RIMS2: variants seen among roughly 807,000 people sequenced by gnomAD.
RIMS2 encodes regulating synaptic membrane exocytosis protein 2.
In RIMS2, 59 loss-of-function variants were observed where a neutral mutation model predicts 174.4. That is an observed-to-expected ratio of 0.34 (90% CI 0.27 to 0.42). RIMS2 has a LOEUF of 0.42. Among genes scored for constraint, RIMS2 ranks in the 10% least tolerant of loss-of-function variants. RIMS2 has a pLI of 1.00. For missense variants in RIMS2, 1,620 were observed against 1,666.3 expected (o/e 0.97, Z 0.48); for synonymous variants, 606 against 572.5 (o/e 1.06, Z -0.84).
chr8:103,652,436 T>A (rs1418454631), intron 1 of RIMS2, among the ~76,000 whole-genome samples, 188 bp from the exon 3 acceptor site: 1 of 152,212 alleles, frequency 6.6e-6, no homozygotes, highest in African/African-American at 2.4e-5. Context: ...TTTTGCTGCC[T>A]GCTTGTGGAC....
intron 3 of RIMS2, among the ~76,000 whole-genome samples, chr8:103,798,915 C>CTTTTTTTT (rs376864472): frequency 2.2e-5 from 3 of 134,790 alleles, no homozygotes; most frequent in African/African-American, 8.3e-5. Context: ...AGGTAGAAAA[C>CTTTTTTTT]TTTTTTTTTT....
At chr8:103,587,141 C>T (rs1264234277) in intron 1 of RIMS2, among the ~76,000 whole-genome samples, 4 of 151,874 alleles carry the variant, frequency 2.6e-5, no homozygotes, top group Admixed American at 2.6e-4. Flanking sequence ...ATACAACCTA[C>T]CAAGATTGAA....
chr8:103,860,979 T>G (rs2099055681), intron 3 of RIMS2, among the ~76,000 whole-genome samples: 1 of 152,084 alleles, frequency 6.6e-6, no homozygotes, highest in Admixed American at 6.6e-5. Flanking sequence ...ATATTTTGTT[T>G]TTATTTTTTA....
chr8:104,014,069 T>C lies in RIMS2; in HGVS notation c.3225-437T>C, dbSNP rs2095837614. On this transcript the variant is annotated intron_variant, in intron 18 of 23. Coordinates refer to ENST00000504942, the Ensembl canonical transcript of RIMS2. ...CTTGAATTGTTCAGGATTTTATTTG[T>C]AGTTTCATGCAATGTTTTCTAATAA... 4.6e-5 allele frequency among the ~76,000 whole-genome samples: 7 copies of C among 152,318 alleles called. No individual in the cohort carries two copies. In the South Asian group the frequency reaches 1.4e-3, roughly 32 times the overall value.
intron 19 of RIMS2, among the ~76,000 whole-genome samples, chr8:104,120,329 A>T (rs1280427561): frequency 6.6e-6 from 1 of 152,208 alleles, no homozygotes; most frequent in Non-Finnish European, 1.5e-5. Context: ...ATTATTATTG[A>T]ATTATATTAT....
intron 3 of RIMS2, among the ~76,000 whole-genome samples, chr8:103,785,141 G>A (rs1451804350): frequency 7.0e-6 from 1 of 143,810 alleles, no homozygotes; most frequent in Non-Finnish European, 1.5e-5. Context: ...CTTTGCTGAA[G>A]TTGCTTACCA....
intron 1 of RIMS2, among the ~76,000 whole-genome samples, chr8:103,624,540 T>C (rs2095730933): frequency 6.6e-6 from 1 of 152,176 alleles, no homozygotes; most frequent in African/African-American, 2.4e-5. Context: ...TATGACAAGG[T>C]TTATTATAAG....
At chr8:103,625,878 A>C (rs6986976) in intron 1 of RIMS2, among the ~76,000 whole-genome samples, 9,058 of 151,784 alleles carry the variant, frequency 0.06, 901 homozygotes, top group African/African-American at 0.2. Flanking sequence ...TAAAATGTAG[A>C]CATACATTTA....
chr8:104,198,305 C>T (rs1262801043), intron 19 of RIMS2, among the ~76,000 whole-genome samples: 1 of 152,146 alleles, frequency 6.6e-6, no homozygotes, highest in East Asian at 1.9e-4. Flanking sequence ...TAGCTAGCTG[C>T]CTGATGCAAG....
chr8:103,933,803 T>G (rs914524153), intron 12 of RIMS2, among the ~76,000 whole-genome samples: 5 of 152,162 alleles, frequency 3.3e-5, no homozygotes, highest in African/African-American at 4.8e-5. Context: ...TTGACACAAG[T>G]TTTTACACAT....
intron 9 of RIMS2, among the ~76,000 whole-genome samples, chr8:103,921,183 C>A (rs1398172392): frequency 1.3e-5 from 2 of 152,038 alleles, no homozygotes; most frequent in Non-Finnish European, 1.5e-5. Flanking sequence ...CATTTTATTC[C>A]TTTTTTTCAT....
intron 17 of RIMS2, among the ~76,000 whole-genome samples, chr8:104,000,644 A>G (rs1276828748): frequency 2.0e-5 from 3 of 151,824 alleles, no homozygotes; most frequent in Admixed American, 6.6e-5. Context: ...ACTGTTTTCT[A>G]TACTGGTTGT....
In RIMS2 at chr8:103,971,571, GT is replaced by G. The variant is rs887127417; in HGVS notation, c.2771-3767del. Among the ~76,000 whole-genome samples the G allele has an allele frequency of 1.2e-3, 171 of 145,576 alleles. 2 individuals are homozygous for G. The South Asian group carries it at 0.015, about 13-fold the overall frequency. ...TTCTTACTCTTATCTTAGTAGCATA[GT>G]TTTTTTTTTTTCTTTTTGAGACAGA... On this transcript the variant is annotated intron_variant, in intron 15 of 23. Coordinates refer to ENST00000504942, the Ensembl canonical transcript of RIMS2.
intron 4 of RIMS2, among the ~76,000 whole-genome samples, chr8:103,893,867 CCA>C (rs2099262206): frequency 6.6e-6 from 1 of 151,982 alleles, no homozygotes; most frequent in Non-Finnish European, 1.5e-5. Context: ...GTTTGTAACT[CCA>C]CAGTGTTTTG....
intron 3 of RIMS2, among the ~76,000 whole-genome samples, chr8:103,793,685 ATTGTCTC>A (rs1235082849): frequency 6.6e-6 from 1 of 152,190 alleles, no homozygotes; most frequent in African/African-American, 2.4e-5. Flanking sequence ...GAAAAACCCC[ATTGTCTC>A]AGCCCAAAAT....
At chr8:103,791,676 A>T (rs929232045) in intron 3 of RIMS2, among the ~76,000 whole-genome samples, 1 of 152,200 alleles carries the variant, frequency 6.6e-6, no homozygotes, top group African/African-American at 2.4e-5. Flanking sequence ...CAGGAGAACC[A>T]TCTCACATGC....
intron 19 of RIMS2, among the ~76,000 whole-genome samples, chr8:104,107,347 G>A (rs192194102): frequency 5.9e-5 from 9 of 152,110 alleles, no homozygotes; most frequent in South Asian, 4.2e-4. Flanking sequence ...AGTTTCTCTT[G>A]TGATACCCAT....
intron 19 of RIMS2, among the ~76,000 whole-genome samples, chr8:104,092,221 C>G (rs189566803): frequency 6.6e-6 from 1 of 151,872 alleles, no homozygotes; most frequent in Non-Finnish European, 1.5e-5. Flanking sequence ...CTATCTAATA[C>G]TTGCAATGAA....
chr8:103,508,270 A>G (rs1294778575), intron 1 of RIMS2, among the ~76,000 whole-genome samples: 1 of 152,106 alleles, frequency 6.6e-6, no homozygotes, highest in Admixed American at 6.5e-5. Context: ...GGTAAGTACC[A>G]GGAGACTACT....
Sources: allele counts gnomAD v4.1 joint callset (sites outside exome capture counted in the v4.1 genomes callset), GRCh38; gene constraint gnomAD v4.1.1; transcripts MANE v1.5; gene names NCBI Gene and HGNC (gene_info 2026-07-23, HGNC 2026-07-21).